Variants in WDFY3 observed in about 807,000 individuals in gnomAD.
WDFY3 encodes WD repeat and FYVE domain-containing protein 3.
A neutral mutation model predicts 409.6 loss-of-function variants in WDFY3; 66 were observed. The ratio of observed to expected loss-of-function variants is 0.16; its 90% confidence interval spans 0.13 to 0.20. The LOEUF is 0.20. WDFY3 is among the 10% of genes least tolerant of loss of function. WDFY3 has a pLI of 1.00. For synonymous variants in WDFY3, 1,521 were observed against 1,537.1 expected (o/e 0.99, Z 0.25); for missense variants, 3,031 against 4,298.1 (o/e 0.71, Z 8.24).
chr4:84,911,706 G>A (rs1292105073), intron 2 of WDFY3, among the ~76,000 whole-genome samples: 1 of 151,984 alleles, frequency 6.6e-6, no homozygotes, highest in African/African-American at 2.4e-5. Context: ...AAAAAATTAA[G>A]AAAAAAGTAA....
At chr4:84,678,068 A>G (rs558761883) in intron 66 of WDFY3, 100 bp downstream of exon 66, 1 of 824,280 alleles carries the variant, frequency 1.2e-6, no homozygotes, top group East Asian at 2.5e-5. Flanking sequence ...GATAATACAA[A>G]TAAAATCTGT....
At chr4:84,813,634 T>A (rs536959535) in intron 13 of WDFY3, among the ~76,000 whole-genome samples, 20 of 152,152 alleles carry the variant, frequency 1.3e-4, no homozygotes, top group Non-Finnish European at 2.2e-4. Flanking sequence ...TCCTGCCCTC[T>A]TCCAGCCTGA....
intron 4 of WDFY3, among the ~76,000 whole-genome samples, chr4:84,858,846 G>A (rs1264524655): frequency 6.6e-6 from 1 of 151,932 alleles, no homozygotes; most frequent in Non-Finnish European, 1.5e-5. Flanking sequence ...GGAAAAAGGG[G>A]AGAAGAAAAA....
At position 84,787,495 on chromosome 4, in the gene WDFY3, A is replaced by G. The variant is rs541415465; in HGVS notation, c.3888T>C (p.Ala1296=). 3.1e-6 allele frequency: 5 copies of G among 1,614,026 alleles called. No homozygotes were observed. In the East Asian group the frequency reaches 8.9e-5, roughly 29 times the overall value. Residue 1296 remains alanine, a synonymous_variant, in exon 23 of 68, where the codon GCT becomes GCC. Transcript: ENST00000295888. Reference sequence around the variant, plus strand: ...TAAGTTACTCACATGGCATACATACAGCCTGAAAGCTTCCAACATAATTTG... The same window carrying G: ...TAAGTTACTCACATGGCATACATACGGCCTGAAAGCTTCCAACATAATTTG... The part of the protein sequence containing the change: ...LGPNYVGSFQ[A]VCMPCKDAKS...
Position 84,817,424 on chromosome 4 carries a change from T to C in WDFY3, c.1855A>G (p.Thr619Ala). 6.2e-7 allele frequency: 1 copy of C among 1,613,658 alleles called. No homozygotes were observed. The highest frequency in any genetic ancestry group is 8.5e-7 in the Non-Finnish European group (1 of 1,179,694). Residue 619 changes from threonine (T) to alanine (A), a missense_variant, in exon 13 of 68, where the codon ACG (threonine) becomes GCG (alanine). Physicochemically the swap from Thr to Ala is moderately conservative, Grantham distance 58. Transcript: ENST00000295888. ...LLGLMHSAPP[T>A]ELQLKTDILR... Reference sequence around the variant, plus strand: ...ATATCAGTCTTCAACTGCAATTCCGTCGGTGGGGCTGAATGCATTAGCCCC... The same window carrying C: ...ATATCAGTCTTCAACTGCAATTCCGCCGGTGGGGCTGAATGCATTAGCCCC...
intron 1 of WDFY3, among the ~76,000 whole-genome samples, chr4:84,955,660 C>T (rs1774153623): frequency 1.3e-5 from 2 of 151,918 alleles, no homozygotes; most frequent in Admixed American, 6.6e-5. Context: ...ACTATTTTTG[C>T]AACTTCCCAA....
intron 37 of WDFY3, among the ~76,000 whole-genome samples, chr4:84,742,341 CACAG>C (rs1179878832): frequency 6.6e-6 from 1 of 152,174 alleles, no homozygotes; most frequent in Non-Finnish European, 1.5e-5. Context: ...AGTGAAGTAA[CACAG>C]ACAGAAGAGA....
At chr4:84,795,732 A>G (rs889574327) in intron 19 of WDFY3, among the ~76,000 whole-genome samples, 1 of 152,088 alleles carries the variant, frequency 6.6e-6, no homozygotes, top group Non-Finnish European at 1.5e-5. Flanking sequence ...ATTGCACTCC[A>G]GCCTGGGTGA....
At chr4:84,822,431 A>G (rs1450807990) in intron 10 of WDFY3, among the ~76,000 whole-genome samples, 2 of 152,160 alleles carry the variant, frequency 1.3e-5, no homozygotes, top group Non-Finnish European at 2.9e-5. Context: ...GGCTGGGGGC[A>G]GTAGCTCACA....
At chr4:84,821,835 A>C (rs940342687) in intron 10 of WDFY3, among the ~76,000 whole-genome samples, 2 of 152,326 alleles carry the variant, frequency 1.3e-5, no homozygotes, top group African/African-American at 2.4e-5. Flanking sequence ...ATATTATTAT[A>C]AACATCCATG....
At chr4:84,732,782 T>C (rs879641358) in intron 44 of WDFY3, among the ~76,000 whole-genome samples, 3 of 152,214 alleles carry the variant, frequency 2.0e-5, no homozygotes, top group Non-Finnish European at 4.4e-5. Context: ...ACTCTGCTGA[T>C]AGACACTTAA....
At chr4:84,850,994 C>T (rs894201768) in intron 4 of WDFY3, among the ~76,000 whole-genome samples, 2 of 71,906 alleles carry the variant, frequency 2.8e-5, no homozygotes, top group African/African-American at 1.0e-4. Context: ...GCTATATTGC[C>T]CAGGCAGGTC....
chr4:84,775,457 C>T (rs1339360469), intron 27 of WDFY3, among the ~76,000 whole-genome samples: 1 of 151,004 alleles, frequency 6.6e-6, no homozygotes, highest in African/African-American at 2.4e-5. Flanking sequence ...CTAGACATGA[C>T]AAATAAAATA....
At chr4:84,912,725 G>A (rs1400423029) in intron 2 of WDFY3, among the ~76,000 whole-genome samples, 1 of 151,890 alleles carries the variant, frequency 6.6e-6, no homozygotes, top group Non-Finnish European at 1.5e-5. Context: ...TTTTATTGTA[G>A]ATGAAAGTAC....
At chr4:84,826,777 TTC>T in intron 10 of WDFY3, 36 bp downstream of exon 10, 1 of 1,528,846 alleles carries the variant, frequency 6.5e-7, no homozygotes, top group African/African-American at 1.4e-5. Flanking sequence ...CTTTCTCTAT[TTC>T]TCTCAGTAGC....
chr4:84,846,614 T>C (rs1758109341), intron 5 of WDFY3, among the ~76,000 whole-genome samples: 1 of 148,796 alleles, frequency 6.7e-6, no homozygotes, highest in South Asian at 2.2e-4. Flanking sequence ...TAGTATGTCA[T>C]TCAAGAAAGA....
At chr4:84,721,202 TA>T in intron 47 of WDFY3, among the ~76,000 whole-genome samples, 1 of 152,344 alleles carries the variant, frequency 6.6e-6, no homozygotes, top group South Asian at 2.1e-4. Context: ...CTGTATCTGA[TA>T]AAATCTTATG....
chr4:84,896,887 C>T (rs1015072987), intron 3 of WDFY3, 24 bp downstream of exon 3: 12 of 152,132 alleles, frequency 7.9e-5, no homozygotes, highest in Non-Finnish European at 1.3e-4. Flanking sequence ...CAAAAACCCA[C>T]AATTTTTCTT....
intron 3 of WDFY3, among the ~76,000 whole-genome samples, chr4:84,882,500 T>C (rs1212451567): frequency 6.6e-6 from 1 of 152,150 alleles, no homozygotes; most frequent in Non-Finnish European, 1.5e-5. Flanking sequence ...CAAATTCCTC[T>C]ATTCAAATTA....
Sources: allele counts gnomAD v4.1 joint callset (sites outside exome capture counted in the v4.1 genomes callset), GRCh38; gene constraint gnomAD v4.1.1; transcripts MANE v1.5; gene names NCBI Gene and HGNC (gene_info 2026-07-23, HGNC 2026-07-21).